EPCIP: variants seen among roughly 807,000 people sequenced by gnomAD.
The protein encoded by EPCIP is exosomal polycystin-1-interacting protein.
chr21:32,794,657 C>G, the EPCIP span, among the ~76,000 whole-genome samples: 1 of 152,248 alleles, frequency 6.6e-6, no homozygotes, highest in Non-Finnish European at 1.5e-5. Context: ...GCTCTTTTCT[C>G]AGCACCTCAT....
the EPCIP span, among the ~76,000 whole-genome samples, chr21:32,806,221 T>C: frequency 1.3e-5 from 2 of 152,224 alleles, no homozygotes; most frequent in African/African-American, 4.8e-5. Flanking sequence ...TTTTCTCCAC[T>C]TCTGTACTGA....
chr21:32,811,802 T>C, the EPCIP span, among the ~76,000 whole-genome samples: 2 of 152,356 alleles, frequency 1.3e-5, no homozygotes, highest in African/African-American at 4.8e-5. Flanking sequence ...GGTGCCCTCA[T>C]GAATGGATTA....
the EPCIP span, among the ~76,000 whole-genome samples, chr21:32,810,055 C>G: frequency 2.6e-5 from 4 of 152,072 alleles, no homozygotes; most frequent in African/African-American, 9.7e-5. Flanking sequence ...GTGAATCCCA[C>G]CACCCCCATA....
the EPCIP span, among the ~76,000 whole-genome samples, chr21:32,808,026 C>T: frequency 1.3e-5 from 2 of 152,202 alleles, no homozygotes; most frequent in African/African-American, 4.8e-5. Flanking sequence ...CACACACCTT[C>T]CGAGGGGCGA....
the EPCIP span, among the ~76,000 whole-genome samples, chr21:32,803,254 C>CCGACACAT: frequency 2.6e-5 from 4 of 152,324 alleles, no homozygotes; most frequent in Admixed American, 2.6e-4. Context: ...GGAATTTAAA[C>CCGACACAT]TGACACATTC....
At chr21:32,812,940 A>AT in the EPCIP span, among the ~76,000 whole-genome samples, 2 of 152,156 alleles carry the variant, frequency 1.3e-5, no homozygotes, top group Admixed American at 6.5e-5. Context: ...TAAAAGACCA[A>AT]TTTTTTAAAA....
At chr21:32,793,994 T>C in the EPCIP span, 1 of 1,614,204 alleles carries the variant, frequency 6.2e-7, no homozygotes, top group Non-Finnish European at 8.5e-7. Context: ...CCCACCGCTA[T>C]GGATGAGTAA....
chr21:32,796,901 C>T, the EPCIP span: 11 of 461,152 alleles, frequency 2.4e-5, no homozygotes, highest in South Asian at 8.0e-5. Flanking sequence ...TTCATCAGCC[C>T]GAACCTAGTG....
chr21:32,805,710 G>A, the EPCIP span, among the ~76,000 whole-genome samples: 253 of 152,204 alleles, frequency 1.7e-3, 1 homozygote, highest in African/African-American at 5.6e-3. Flanking sequence ...ATACAGAGAC[G>A]GTGAGGAAAC....
At chr21:32,812,376 G>A in the EPCIP span, among the ~76,000 whole-genome samples, 1 of 152,080 alleles carries the variant, frequency 6.6e-6, no homozygotes, top group African/African-American at 2.4e-5. Flanking sequence ...TGACCTATTA[G>A]CTCCCACAGA....
At chr21:32,810,466 TTAGC>T in the EPCIP span, 3 of 399,016 alleles carry the variant, frequency 7.5e-6, no homozygotes, top group South Asian at 5.4e-5. Context: ...TTTCACTGTG[TTAGC>T]TAGGATGGTC....
chr21:32,810,341 C>T, the EPCIP span, among the ~76,000 whole-genome samples: 3 of 147,518 alleles, frequency 2.0e-5, no homozygotes, highest in Admixed American at 6.8e-5. Context: ...TTGCAACCTC[C>T]GCCTCCCGGG....
At chr21:32,809,249 TTTC>T in the EPCIP span, among the ~76,000 whole-genome samples, 24 of 149,486 alleles carry the variant, frequency 1.6e-4, 1 homozygote, top group Admixed American at 1.1e-3. Flanking sequence ...TTTGTTGTTC[TTTC>T]TTCTTTTCTT....
the EPCIP span, chr21:32,794,046 G>A: frequency 3.0e-5 from 49 of 1,614,020 alleles, no homozygotes; most frequent in East Asian, 4.5e-5. Flanking sequence ...ATGTTGATGC[G>A]CAGCCTCTTC....
chr21:32,800,480 C>T, the EPCIP span, among the ~76,000 whole-genome samples: 4 of 152,186 alleles, frequency 2.6e-5, no homozygotes, highest in East Asian at 7.7e-4. Flanking sequence ...GATTTAAAGG[C>T]TCAAATATTT....
chr21:32,807,037 C>T, the EPCIP span, among the ~76,000 whole-genome samples: 1 of 152,226 alleles, frequency 6.6e-6, no homozygotes, highest in Admixed American at 6.5e-5. Context: ...TATTCACTAC[C>T]ACAAGAACGT....
the EPCIP span, among the ~76,000 whole-genome samples, chr21:32,796,026 T>C: frequency 1.9e-4 from 28 of 151,334 alleles, 1 homozygote; most frequent in South Asian, 3.8e-3. Flanking sequence ...CCTTCCCTCC[T>C]TCCTTCCCTC....
At chr21:32,791,716 T>C in the EPCIP span, among the ~76,000 whole-genome samples, 1 of 151,544 alleles carries the variant, frequency 6.6e-6, no homozygotes, top group African/African-American at 2.4e-5. Flanking sequence ...TTTCAGTTAC[T>C]CTATGTTAAG....
the EPCIP span, among the ~76,000 whole-genome samples, chr21:32,805,823 A>G: frequency 1.3e-5 from 2 of 152,146 alleles, no homozygotes; most frequent in African/African-American, 4.8e-5. Flanking sequence ...TCCTCTCATT[A>G]GCCTGGATCA....
Sources: allele counts gnomAD v4.1 joint callset (sites outside exome capture counted in the v4.1 genomes callset), GRCh38; gene constraint gnomAD v4.1.1; transcripts MANE v1.5; gene names NCBI Gene and HGNC (gene_info 2026-07-23, HGNC 2026-07-21).